CMTM8: variants seen among roughly 807,000 people sequenced by gnomAD.
CMTM8 encodes CKLF-like MARVEL transmembrane domain-containing protein 8.
Under a neutral mutation model 18.6 loss-of-function variants are expected in CMTM8, and 12 were observed. The observed-to-expected ratio is 0.65, with a 90% confidence interval of 0.41 to 1.05. The LOEUF is 1.05. CMTM8 is among the 50% of genes least tolerant of loss of function. CMTM8 has a pLI of 0.00. For missense variants in CMTM8, 217 were observed against 227.2 expected, an observed-to-expected ratio of 0.95 and a Z score of 0.29; for synonymous variants, 87 against 90.6, an observed-to-expected ratio of 0.96 and a Z score of 0.23.
At chr3:32,359,771 C>T (rs1696886852) in intron 2 of CMTM8, among the ~76,000 whole-genome samples, 4 of 152,172 alleles carry the variant, frequency 2.6e-5, no homozygotes, top group Admixed American at 1.3e-4. Flanking sequence ...AGAATATTAA[C>T]AATGCCTTCT....
intron 1 of CMTM8, among the ~76,000 whole-genome samples, chr3:32,335,529 A>G (rs1696369390): frequency 6.6e-6 from 1 of 152,194 alleles, no homozygotes; most frequent in East Asian, 1.9e-4. Context: ...TTCAGGGGCC[A>G]GGTGGTCAAC....
At chr3:32,313,242 C>T (rs927096383) in intron 1 of CMTM8, among the ~76,000 whole-genome samples, 14 of 152,114 alleles carry the variant, frequency 9.2e-5, no homozygotes, top group African/African-American at 3.1e-4. Flanking sequence ...GAATGAAGCC[C>T]GCTCTTTCCC....
chr3:32,330,700 T>C (rs1334164656), intron 1 of CMTM8, among the ~76,000 whole-genome samples: 1 of 152,114 alleles, frequency 6.6e-6, no homozygotes. Context: ...AAATGGTCTA[T>C]GGAAAAATGG....
intron 1 of CMTM8, among the ~76,000 whole-genome samples, chr3:32,300,221 G>A (rs1695588586): frequency 6.6e-6 from 1 of 152,224 alleles, no homozygotes; most frequent in Non-Finnish European, 1.5e-5. Context: ...CTGAGCGGGG[G>A]AACCCAGCAA....
intron 1 of CMTM8, among the ~76,000 whole-genome samples, chr3:32,350,561 C>T (rs1310736042): frequency 6.7e-6 from 1 of 149,854 alleles, no homozygotes; most frequent in Non-Finnish European, 1.5e-5. Context: ...CGCTCTGTCA[C>T]CCAGGCTGGA....
intron 1 of CMTM8, among the ~76,000 whole-genome samples, chr3:32,294,102 C>G (rs1702831273): frequency 6.6e-6 from 1 of 152,206 alleles, no homozygotes; most frequent in Non-Finnish European, 1.5e-5. Flanking sequence ...GCCTCACCAA[C>G]AGGATTGTGA....
chr3:32,248,086 A>G (rs998245281), intron 1 of CMTM8, among the ~76,000 whole-genome samples: 8 of 152,232 alleles, frequency 5.3e-5, no homozygotes, highest in Non-Finnish European at 7.3e-5. Context: ...AATGATGTAT[A>G]CATTATTTTA....
intron 3 of CMTM8, among the ~76,000 whole-genome samples, chr3:32,369,429 G>A (rs1695604272): frequency 1.3e-5 from 2 of 152,154 alleles, no homozygotes; most frequent in Admixed American, 6.5e-5. Context: ...ACTAGGTGGA[G>A]GCTGCCCCAT....
At chr3:32,331,250 C>G (rs1388850956) in intron 1 of CMTM8, among the ~76,000 whole-genome samples, 4 of 152,090 alleles carry the variant, frequency 2.6e-5, no homozygotes, top group Non-Finnish European at 5.9e-5. Context: ...AAATGCAAAT[C>G]AAAACCATAA....
chr3:32,320,554 G>T (rs1256516539), intron 1 of CMTM8, among the ~76,000 whole-genome samples: 1 of 152,182 alleles, frequency 6.6e-6, no homozygotes, highest in African/African-American at 2.4e-5. Flanking sequence ...AAAGTTGATT[G>T]TGATGATGGC....
At chr3:32,257,247 G>C (rs1702186294) in intron 1 of CMTM8, among the ~76,000 whole-genome samples, 1 of 152,210 alleles carries the variant, frequency 6.6e-6, no homozygotes, top group Non-Finnish European at 1.5e-5. Context: ...AAAGTGCTGG[G>C]ATTACAGGAG....
chr3:32,330,636 A>C (rs991831298), intron 1 of CMTM8, among the ~76,000 whole-genome samples: 9 of 152,168 alleles, frequency 5.9e-5, no homozygotes, highest in Non-Finnish European at 1.2e-4. Flanking sequence ...AGATCTATGG[A>C]CTTTCCTAAT....
intron 1 of CMTM8, among the ~76,000 whole-genome samples, chr3:32,302,925 C>A (rs1695649323): frequency 6.6e-6 from 1 of 152,156 alleles, no homozygotes; most frequent in African/African-American, 2.4e-5. Flanking sequence ...ACTTTGTTGT[C>A]TTTGGAGAGA....
At chr3:32,367,624 A>G (rs1559392240) in intron 2 of CMTM8, among the ~76,000 whole-genome samples, 1 of 152,102 alleles carries the variant, frequency 6.6e-6, no homozygotes, top group Non-Finnish European at 1.5e-5. Context: ...AAGAAGCAAA[A>G]TGACTGAAGG....
intron 1 of CMTM8, among the ~76,000 whole-genome samples, chr3:32,344,550 A>G (rs1575185731): frequency 6.6e-6 from 1 of 152,218 alleles, no homozygotes; most frequent in Admixed American, 6.5e-5. Context: ...CACAAAGCTC[A>G]TAGACACCAC....
chr3:32,306,985 G>A (rs1244824168), intron 1 of CMTM8, among the ~76,000 whole-genome samples: 1 of 152,162 alleles, frequency 6.6e-6, no homozygotes, highest in Non-Finnish European at 1.5e-5. Context: ...GAGGTAGGTG[G>A]ATCACGAGGA....
chr3:32,270,520 C>A (rs974157610), intron 1 of CMTM8, among the ~76,000 whole-genome samples: 5 of 152,196 alleles, frequency 3.3e-5, no homozygotes, highest in African/African-American at 1.2e-4. Flanking sequence ...CACATAGACA[C>A]CGTGGAATAC....
intron 1 of CMTM8, among the ~76,000 whole-genome samples, chr3:32,287,711 T>A (rs1219465268): frequency 6.6e-6 from 1 of 152,208 alleles, no homozygotes; most frequent in Non-Finnish European, 1.5e-5. Flanking sequence ...AAAATTATTA[T>A]TTGAATAAAA....
rs143297896 is a variant in CMTM8 at position 32,312,707 on chromosome 3, A to G, written c.148-44666A>G. ...ATTCAATCTTCAGTCCCTCTTCCCT[A>G]CCCAGAGGTTGGGATGTCGGGCTGA... On this transcript the variant is annotated intron_variant, in intron 1 of 3. Coordinates refer to ENST00000307526, the MANE Select transcript of CMTM8 (RefSeq NM_178868.5). Among the ~76,000 whole-genome samples, 31 of 151,932 alleles carry G rather than the reference A, an allele frequency of 2.0e-4. 2 individuals are homozygous for G. In the East Asian group the frequency reaches 5.0e-3, roughly 25 times the overall value.
Sources: gnomAD v4.1 joint callset for allele counts (sites outside exome capture counted in the v4.1 genomes callset) on GRCh38, gnomAD v4.1.1 for gene constraint, MANE v1.5 for transcripts, NCBI Gene and HGNC (gene_info 2026-07-23, HGNC 2026-07-21) for gene names.